SLC7A6: variants seen among roughly 807,000 people sequenced by gnomAD.
SLC7A6 encodes Y+L amino acid transporter 2.
Under a neutral mutation model 46.6 loss-of-function variants are expected in SLC7A6, and 29 were observed. The observed-to-expected ratio is 0.62, with a 90% CI of 0.46 to 0.85. The LOEUF is 0.85. SLC7A6 is among the 40% of genes least tolerant of loss of function. The probability of loss-of-function intolerance (pLI) is 0.00; values close to 1 mark genes in which losing one functional copy is unlikely to be tolerated. For synonymous variants in SLC7A6, 276 were observed against 257.3 expected (o/e 1.07, Z -0.70); for missense variants, 527 against 647.6 (o/e 0.81, Z 2.02).
At chr16:68,294,025 G>A (rs553978105) in intron 7 of SLC7A6, among the ~76,000 whole-genome samples, 2 of 152,280 alleles carry the variant, frequency 1.3e-5, no homozygotes, top group African/African-American at 4.8e-5. Flanking sequence ...AGCCTCCCGA[G>A]TAGCTGGGAT....
At chr16:68,269,224 T>A (rs2042584305) in intron 2 of SLC7A6, among the ~76,000 whole-genome samples, 3 of 152,236 alleles carry the variant, frequency 2.0e-5, no homozygotes, top group Admixed American at 2.0e-4. Flanking sequence ...ATTCCTTGTT[T>A]GATGTTTCCA....
At position 68,297,382 on chromosome 16, in the gene SLC7A6, G is replaced by C; in HGVS notation, c.*54G>C. 6.8e-7 allele frequency: 1 copy of C among 1,476,684 alleles called. No individual in the cohort carries two copies. The highest frequency in any genetic ancestry group is 9.4e-7 in the Non-Finnish European group (1 of 1,060,472). The allele number at this position is 1,476,684 out of a possible 1,614,324, so 91.5% of individuals were successfully genotyped here. On this transcript the variant is annotated 3_prime_UTR_variant, in exon 11 of 11. Transcript: ENST00000219343. ...AAGGCAGGCCAACCAGCAAAATCCT[G>C]ATAACAAGACTCTGTGGGCCCAACT...
At chr16:68,282,598 GCCTTTCTT>G (rs991027597) in intron 3 of SLC7A6, among the ~76,000 whole-genome samples, 3 of 151,760 alleles carry the variant, frequency 2.0e-5, no homozygotes, top group South Asian at 2.1e-4. Flanking sequence ...TCCCTACCCT[GCCTTTCTT>G]CCTTTCTTCC....
At chr16:68,294,174 A>G (rs1218767698) in intron 7 of SLC7A6, among the ~76,000 whole-genome samples, 3 of 152,102 alleles carry the variant, frequency 2.0e-5, no homozygotes, top group Non-Finnish European at 4.4e-5. Context: ...GATTATAGGC[A>G]TGAGCCACCA....
Position 68,297,616 on chromosome 16 carries a change from G to C in SLC7A6, c.*288G>C, listed in dbSNP as rs1597014054. On this transcript the variant is annotated 3_prime_UTR_variant, in exon 11 of 11. Transcript: ENST00000219343. The stretch of plus-strand genomic sequence containing the variant: ...ATGCAGCTCTTACAGATATTTACTT[G>C]GTAAAGTGCAGTGGGGAAGAGGGAA... 3.3e-6 allele frequency: 1 copy of C among 305,434 alleles called. No homozygotes were observed. Among genetic ancestry groups the C allele is most frequent in the East Asian group, 6.9e-5 (1 of 14,532 alleles). 18.9% of individuals were successfully genotyped at this position (305,434 alleles called of 1,614,324 possible).
intron 3 of SLC7A6, among the ~76,000 whole-genome samples, chr16:68,285,051 G>A (rs935979908): frequency 1.3e-5 from 2 of 151,828 alleles, no homozygotes; most frequent in Non-Finnish European, 2.9e-5. Flanking sequence ...CTGTCTTTTT[G>A]TCTAAGCTGC....
At chr16:68,269,264 A>G (rs2042584893) in intron 2 of SLC7A6, among the ~76,000 whole-genome samples, 1 of 152,048 alleles carries the variant, frequency 6.6e-6, no homozygotes, top group African/African-American at 2.4e-5. Context: ...ATATGGTCCT[A>G]TTGATTACTT....
chr16:68,288,126 A>G (rs1242654583), intron 4 of SLC7A6, among the ~76,000 whole-genome samples: 1 of 152,164 alleles, frequency 6.6e-6, no homozygotes, highest in African/African-American at 2.4e-5. Context: ...AAGCCAGCCA[A>G]GGGCCTAGGA....
chr16:68,265,076 G>T (rs1299175435), intron 1 of SLC7A6, among the ~76,000 whole-genome samples: 3 of 152,196 alleles, frequency 2.0e-5, no homozygotes, highest in African/African-American at 7.2e-5. Context: ...AGAAAGACGC[G>T]GGCTCAGGAC....
At position 68,291,085 on chromosome 16, in the gene SLC7A6, C is replaced by T. The variant is rs184131862; in HGVS notation, c.795-124C>T. The T allele has an allele frequency of 3.0e-3, 3,715 of 1,248,252 alleles. 69 individuals are homozygous for T. The South Asian group carries it at 0.031, about 10-fold the overall frequency. The allele number at this position is 1,248,252 out of a possible 1,614,324, so 77.3% of individuals were successfully genotyped here. A position where few individuals can be genotyped will look rare whatever the true frequency, so the allele number is the denominator to read the frequency against. On this transcript the variant is annotated intron_variant, in intron 5 of 10. Transcript: ENST00000219343. ...ACCCAGGGTCAAGGGGAAGGTGAGC[C>T]TCCCTCAAAGACTTGGAGGCTAGTG... is the stretch of plus-strand genomic sequence containing the variant.
chr16:68,285,053 C>T (rs1328011782), intron 3 of SLC7A6, among the ~76,000 whole-genome samples: 1 of 151,992 alleles, frequency 6.6e-6, no homozygotes, highest in African/African-American at 2.4e-5. Context: ...GTCTTTTTGT[C>T]TAAGCTGCAT....
At chr16:68,289,772 C>T (rs1258456804) in intron 4 of SLC7A6, among the ~76,000 whole-genome samples, 2 of 152,026 alleles carry the variant, frequency 1.3e-5, no homozygotes, top group African/African-American at 4.8e-5. Flanking sequence ...GTGGCTCAGG[C>T]CTAGTGAAAG....
At chr16:68,291,762 G>GGGGT (rs370678371) in intron 7 of SLC7A6, 101 bp downstream of exon 7, 334 of 548,110 alleles carry the variant, frequency 6.1e-4, no homozygotes, top group Middle Eastern at 1.6e-3. Context: ...GGGCATATAG[G>GGGGT]GTGTGTGTGT....
At chr16:68,271,749 T>C (rs1418480783) in intron 2 of SLC7A6, among the ~76,000 whole-genome samples, 2 of 152,124 alleles carry the variant, frequency 1.3e-5, no homozygotes, top group Admixed American at 1.3e-4. Context: ...AGCAAAGAGG[T>C]AGGAACTTTA....
At position 68,275,244 on chromosome 16, in the gene SLC7A6, G is replaced by T; in HGVS notation, c.518G>T (p.Cys173Phe). The change falls in exon 3 of 11, where the codon TGC becomes TTC. Residue 173 changes from cysteine (C) to phenylalanine (F), a missense_variant. Coordinates refer to ENST00000219343, the MANE Select transcript of SLC7A6 (RefSeq NM_003983.6). ...YLACRLLAAA[C>F]ICLLTFVNCA... Reference sequence around the variant, plus strand: ...GCCTGCCGTCTCCTGGCTGCTGCTTGCATATGTAAGTGGGGGCTGAGATTG... The same window carrying T: ...GCCTGCCGTCTCCTGGCTGCTGCTTTCATATGTAAGTGGGGGCTGAGATTG... The T allele has an allele frequency of 6.2e-7, 1 of 1,610,470 alleles. No individual in the cohort carries two copies.
chr16:68,283,171 A>T (rs2042860631), intron 3 of SLC7A6, among the ~76,000 whole-genome samples: 1 of 152,208 alleles, frequency 6.6e-6, no homozygotes, highest in African/African-American at 2.4e-5. Flanking sequence ...GTTATTCACT[A>T]TTAACTTGGG....
intron 3 of SLC7A6, among the ~76,000 whole-genome samples, chr16:68,280,416 C>T (rs2042809010): frequency 6.6e-6 from 1 of 152,034 alleles, no homozygotes; most frequent in African/African-American, 2.4e-5. Flanking sequence ...AGACTTGGGC[C>T]CCAGAGATAG....
In SLC7A6 at chr16:68,301,427, G is replaced by GTCATTTTA. The variant is rs762109296; in HGVS notation, c.*4099_*4100insTCATTTTA. 6.8e-6 allele frequency: 11 copies of GTCATTTTA among 1,607,060 alleles called. No homozygotes were observed. In the South Asian group the frequency reaches 1.2e-4, roughly 18 times the overall value. ...GAGCCTAGAATGACATCCCGGGAGT[G>GTCATTTTA]GATTCTAAATGTGATTTTCCTAGGC... On this transcript the variant is annotated 3_prime_UTR_variant, in exon 11 of 11. Coordinates refer to ENST00000219343, the MANE Select transcript of SLC7A6 (RefSeq NM_003983.6).
At chr16:68,288,366 C>CA (rs1200613537) in intron 4 of SLC7A6, among the ~76,000 whole-genome samples, 6 of 152,250 alleles carry the variant, frequency 3.9e-5, no homozygotes, top group Admixed American at 1.3e-4. Flanking sequence ...AGTCAGCTCT[C>CA]AGAAAAATAT....
Sources: gnomAD v4.1 joint callset for allele counts (sites outside exome capture counted in the v4.1 genomes callset) on GRCh38, gnomAD v4.1.1 for gene constraint, MANE v1.5 for transcripts, NCBI Gene and HGNC (gene_info 2026-07-23, HGNC 2026-07-21) for gene names.